The following PHYHIPL variants were observed in gnomAD, a reference collection of about 807,000 sequenced individuals.
PHYHIPL encodes phytanoyl-CoA 2-hydroxylase interacting protein like, also known as phytanoyl-CoA hydroxylase-interacting protein-like.
A neutral mutation model predicts 33.4 loss-of-function variants in PHYHIPL; 9 were observed. That is an observed-to-expected ratio of 0.27 (90% CI 0.16 to 0.47). The LOEUF (loss-of-function observed/expected upper bound fraction) is 0.47, where lower values mean the gene tolerates loss of function less well. PHYHIPL is among the 20% of genes least tolerant of loss of function. The pLI is 0.99. For missense variants in PHYHIPL, 365 were observed against 460.7 expected (o/e 0.79, Z 1.90); for synonymous variants, 153 against 154.1 (o/e 0.99, Z 0.05).
At chr10:59,217,800 G>A (rs1839658930) in intron 1 of PHYHIPL, among the ~76,000 whole-genome samples, 1 of 151,992 alleles carries the variant, frequency 6.6e-6, no homozygotes, top group African/African-American at 2.4e-5. Context: ...CTAAGTAGAT[G>A]TAATAGCCTT....
intron 1 of PHYHIPL, among the ~76,000 whole-genome samples, chr10:59,225,695 G>A (rs910857585): frequency 1.4e-5 from 2 of 147,904 alleles, no homozygotes; most frequent in African/African-American, 5.2e-5. Context: ...CATATCTCTA[G>A]TTCTTTTTTC....
intron 4 of PHYHIPL, among the ~76,000 whole-genome samples, chr10:59,242,287 A>C (rs557449100): frequency 6.6e-6 from 1 of 152,100 alleles, no homozygotes; most frequent in Admixed American, 6.6e-5. Context: ...GTGGGAGCCT[A>C]AACTCCTACC....
intron 1 of PHYHIPL, chr10:59,219,220 A>G (rs1839697007): frequency 4.3e-6 from 4 of 932,296 alleles, no homozygotes; most frequent in Non-Finnish European, 5.1e-6. Context: ...AGAAAGTGCT[A>G]TTTAAGTGAT....
chr10:59,193,046 C>T (rs978175180), intron 1 of PHYHIPL, among the ~76,000 whole-genome samples: 1 of 152,090 alleles, frequency 6.6e-6, no homozygotes, highest in South Asian at 2.1e-4. Context: ...ATTTCTTCTT[C>T]ATCAAGTGTT....
At chr10:59,205,001 A>G (rs942642978) in intron 1 of PHYHIPL, among the ~76,000 whole-genome samples, 2 of 151,446 alleles carry the variant, frequency 1.3e-5, no homozygotes, top group East Asian at 3.9e-4. Context: ...AGTGGCTGGG[A>G]TTACAGGCAC....
At chr10:59,232,456 G>A (rs147077805) in intron 1 of PHYHIPL, among the ~76,000 whole-genome samples, 2,919 of 151,606 alleles carry the variant, frequency 0.019, 56 homozygotes, top group Non-Finnish European at 0.024. Context: ...TTTTTCTCTC[G>A]AATTTTAACA....
intron 1 of PHYHIPL, among the ~76,000 whole-genome samples, chr10:59,187,129 A>T (rs1838630629): frequency 6.6e-6 from 1 of 152,260 alleles, no homozygotes; most frequent in Admixed American, 6.5e-5. Context: ...TTATTTTGAG[A>T]TACGTCCCTT....
intron 1 of PHYHIPL, among the ~76,000 whole-genome samples, chr10:59,225,016 T>C (rs1839888174): frequency 6.6e-6 from 1 of 151,520 alleles, no homozygotes; most frequent in South Asian, 2.1e-4. Flanking sequence ...CCAAAAAGGA[T>C]GAAAAGTTTA....
At chr10:59,186,525 G>A (rs1358223503) in intron 1 of PHYHIPL, among the ~76,000 whole-genome samples, 1 of 152,016 alleles carries the variant, frequency 6.6e-6, no homozygotes, top group Non-Finnish European at 1.5e-5. Context: ...AGCTTGATGG[G>A]GATGGCATTG....
At chr10:59,224,809 G>A (rs879670860) in intron 1 of PHYHIPL, among the ~76,000 whole-genome samples, 2 of 151,866 alleles carry the variant, frequency 1.3e-5, no homozygotes, top group Non-Finnish European at 2.9e-5. Flanking sequence ...TCTTATTTTT[G>A]TTGAAATTTT....
Position 59,247,473 on chromosome 10 carries a change from C to G in PHYHIPL, c.*1882C>G. 1 of 978,212 alleles carries G rather than the reference C, an allele frequency of 1.0e-6. No individual in the cohort carries two copies. The highest frequency in any genetic ancestry group is 1.6e-6 in the Non-Finnish European group (1 of 640,012). The allele number at this position is 978,212 out of a possible 1,614,324, so 60.6% of individuals were successfully genotyped here. On this transcript the variant is annotated 3_prime_UTR_variant, in exon 5 of 5. Coordinates refer to ENST00000373880, the MANE Select transcript of PHYHIPL (RefSeq NM_032439.4). ...TTCTCCTTGTATATAATTAAACTTG[C>G]TATTCCTTCTTAAAAACAGCTAATA...
chr10:59,237,740 G>A (rs1840268629), intron 3 of PHYHIPL, among the ~76,000 whole-genome samples: 1 of 151,796 alleles, frequency 6.6e-6, no homozygotes, highest in Non-Finnish European at 1.5e-5. Context: ...GCCTATGACA[G>A]GGTTTAAAAC....
chr10:59,181,119 C>T (rs1055308911), intron 1 of PHYHIPL, among the ~76,000 whole-genome samples: 10 of 152,076 alleles, frequency 6.6e-5, no homozygotes, highest in Admixed American at 5.9e-4. Flanking sequence ...AATACCAATC[C>T]TGTAGGATTG....
At chr10:59,225,158 G>C (rs933565143) in intron 1 of PHYHIPL, among the ~76,000 whole-genome samples, 1 of 144,930 alleles carries the variant, frequency 6.9e-6, no homozygotes, top group Non-Finnish European at 1.5e-5. Context: ...AATGAAAATA[G>C]AGGAAAACTC....
chr10:59,231,180 C>G (rs1840069577), intron 1 of PHYHIPL, among the ~76,000 whole-genome samples: 1 of 151,972 alleles, frequency 6.6e-6, no homozygotes, highest in African/African-American at 2.4e-5. Flanking sequence ...GGAAGACACA[C>G]AAGCACAACA....
intron 1 of PHYHIPL, among the ~76,000 whole-genome samples, chr10:59,203,580 T>C (rs1162579084): frequency 6.6e-6 from 1 of 152,090 alleles, no homozygotes; most frequent in Non-Finnish European, 1.5e-5. Flanking sequence ...TGGAATACTA[T>C]GCAGCCATAA....
chr10:59,189,413 G>A lies in PHYHIPL; in HGVS notation c.106+12454G>A, dbSNP rs562593133. 4.5e-3 allele frequency among the ~76,000 whole-genome samples: 679 copies of A among 152,142 alleles called. 1 individual carries two copies. Among genetic ancestry groups the A allele is most frequent in the Middle Eastern group, 0.014 (4 of 294 alleles). The stretch of plus-strand genomic sequence containing the variant: ...ATAGTTTGTAGACTATTGCTTGTGG[G>A]TAGACCACATTTTTAAGTAGCACCA... On this transcript the variant is annotated intron_variant, in intron 1 of 4. Transcript: ENST00000373880.
At chr10:59,177,864 T>C (rs1472448711) in intron 1 of PHYHIPL, among the ~76,000 whole-genome samples, 1 of 152,234 alleles carries the variant, frequency 6.6e-6, no homozygotes, top group Non-Finnish European at 1.5e-5. Context: ...GGCCGAATAA[T>C]TGTAAAATTC....
rs371809349 is a variant in PHYHIPL, at chr10:59,192,601, CAA to C, written c.106+15643_106+15644del. ...GATGAATGAACTGGGATATTGAACT[CAA>C]GAGAGTGTAACTACCTAAATGGCAA... On this transcript the variant is annotated intron_variant, in intron 1 of 4. Transcript: ENST00000373880. Among the ~76,000 whole-genome samples the C allele has an allele frequency of 2.4e-3, 360 of 152,056 alleles. 1 individual carries two copies. Among genetic ancestry groups the C allele is most frequent in the African/African-American group, 7.8e-3 (325 of 41,512 alleles).
Sources: gnomAD v4.1 joint callset for allele counts (sites outside exome capture counted in the v4.1 genomes callset) on GRCh38, gnomAD v4.1.1 for gene constraint, MANE v1.5 for transcripts, NCBI Gene and HGNC (gene_info 2026-07-23, HGNC 2026-07-21) for gene names.